The following ANKRD17 variants were observed in gnomAD, a reference collection of about 807,000 sequenced individuals.
ANKRD17 encodes the protein ankyrin repeat domain-containing protein 17.
Under a neutral mutation model 229.7 loss-of-function variants are expected in ANKRD17, and 19 were observed. That is an observed-to-expected ratio of 0.08 (90% CI 0.06 to 0.12). The LOEUF (loss-of-function observed/expected upper bound fraction) is 0.12, where lower values mean the gene tolerates loss of function less well. ANKRD17 is among the 10% of genes least tolerant of loss of function. The probability of loss-of-function intolerance (pLI) is 1.00; values close to 1 mark genes in which losing one functional copy is unlikely to be tolerated. For missense variants in ANKRD17, 2,176 were observed against 3,176.8 expected (o/e 0.68, Z 7.57); for synonymous variants, 1,112 against 1,146.1 (o/e 0.97, Z 0.60).
At chr4:73,174,770 T>C (rs1734510251) in intron 2 of ANKRD17, among the ~76,000 whole-genome samples, 1 of 152,194 alleles carries the variant, frequency 6.6e-6, no homozygotes, top group African/African-American at 2.4e-5. Flanking sequence ...CATGTCTATA[T>C]GCCAAGAACT....
intron 1 of ANKRD17, among the ~76,000 whole-genome samples, chr4:73,179,270 C>A (rs1311278183): frequency 6.6e-6 from 1 of 151,338 alleles, no homozygotes; most frequent in Non-Finnish European, 1.5e-5. Flanking sequence ...ACACAACATT[C>A]TAAAAATATT....
At chr4:73,137,551 A>G (rs1729065556) in intron 15 of ANKRD17, among the ~76,000 whole-genome samples, 1 of 152,170 alleles carries the variant, frequency 6.6e-6, no homozygotes, top group Admixed American at 6.5e-5. Context: ...GATACATCCT[A>G]CCACAGAAAT....
At chr4:73,178,478 A>AT (rs1735022758) in intron 1 of ANKRD17, among the ~76,000 whole-genome samples, 1 of 151,946 alleles carries the variant, frequency 6.6e-6, no homozygotes, top group African/African-American at 2.4e-5. Context: ...ACTAGCATTT[A>AT]ATTTTTTTTT....
intron 30 of ANKRD17, among the ~76,000 whole-genome samples, chr4:73,080,413 G>A (rs1165790069): frequency 6.6e-6 from 1 of 152,050 alleles, no homozygotes; most frequent in Non-Finnish European, 1.5e-5. Context: ...ACAAAACTCA[G>A]GAAAGTGTTA....
intron 28 of ANKRD17, 151 bp from the exon 29 acceptor site, chr4:73,092,451 G>T: frequency 1.5e-6 from 1 of 659,002 alleles, no homozygotes; most frequent in Non-Finnish European, 2.5e-6. Flanking sequence ...AACAAAAGCT[G>T]GGCAGCAATT....
At position 73,155,643 on chromosome 4, in the gene ANKRD17, G is replaced by T; in HGVS notation, c.988C>A (p.Gln330Lys). The T allele has an allele frequency of 6.2e-7, 1 of 1,614,074 alleles. No individual in the cohort carries two copies. Among genetic ancestry groups the T allele is most frequent in the Non-Finnish European group, 8.5e-7 (1 of 1,179,996 alleles). Residue 330 changes from glutamine (Q) to lysine (K), a missense_variant, in exon 5 of 34, where the codon CAG becomes AAG. Gln to Lys is a moderately conservative substitution (Grantham distance 53, BLOSUM62 1). Transcript: ENST00000358602. ...LLAHKADVNAQSSTGNTALTY... is the reference protein window; with the variant it reads ...LLAHKADVNAKSSTGNTALTY... ...AAATAGGCATGACCTGTTGAAGACT[G>T]TGCATTAACATCTGCTTTATGAGCT...
At chr4:73,118,928 A>G in intron 21 of ANKRD17, 78 bp from the exon 22 acceptor site, 1 of 1,421,718 alleles carries the variant, frequency 7.0e-7, no homozygotes, top group Non-Finnish European at 9.3e-7. Flanking sequence ...GCTCTGTCAC[A>G]CAGGCTGGAG....
Position 73,155,569 on chromosome 4 carries a change from C to G in ANKRD17, c.1000+62G>C, listed in dbSNP as rs1272132885. 1.9e-6 allele frequency: 3 copies of G among 1,582,170 alleles called. No homozygotes were observed. The East Asian group carries it at 6.7e-5, about 36-fold the overall frequency. On this transcript the variant is annotated intron_variant, in intron 5 of 33. Transcript: ENST00000358602. ...ATTAGCACTAAACATCACTTTCATG[C>G]AAAATCATTATTACCAAATGATGTT...
chr4:73,162,441 C>T (rs929707052), intron 2 of ANKRD17, among the ~76,000 whole-genome samples: 5 of 151,862 alleles, frequency 3.3e-5, no homozygotes, highest in African/African-American at 7.3e-5. Flanking sequence ...GTGATCCTCC[C>T]ACTTCAGCCT....
chr4:73,229,102 G>C (rs943548937), intron 1 of ANKRD17, among the ~76,000 whole-genome samples: 5 of 152,118 alleles, frequency 3.3e-5, no homozygotes, highest in Admixed American at 3.3e-4. Flanking sequence ...TTGGACACAG[G>C]AAGGGGAACA....
intron 1 of ANKRD17, among the ~76,000 whole-genome samples, chr4:73,180,370 A>G (rs185757272): frequency 1.6e-4 from 25 of 152,288 alleles, no homozygotes; most frequent in African/African-American, 6.0e-4. Context: ...TAGAAGTTAG[A>G]TCACAGAAGA....
At chr4:73,197,459 T>C (rs1443641668) in intron 1 of ANKRD17, among the ~76,000 whole-genome samples, 1 of 152,178 alleles carries the variant, frequency 6.6e-6, no homozygotes, top group Non-Finnish European at 1.5e-5. Flanking sequence ...GAAACAGCAA[T>C]TGTAATACAA....
At chr4:73,115,167 C>T (rs1725792818) in intron 23 of ANKRD17, among the ~76,000 whole-genome samples, 1 of 152,174 alleles carries the variant, frequency 6.6e-6, no homozygotes, top group Non-Finnish European at 1.5e-5. Context: ...TCATTACTTT[C>T]TCAATATAGG....
At chr4:73,215,293 C>T (rs1020133959) in intron 1 of ANKRD17, among the ~76,000 whole-genome samples, 101 of 150,886 alleles carry the variant, frequency 6.7e-4, no homozygotes, top group African/African-American at 2.1e-3. Flanking sequence ...TGGAGTCTTG[C>T]TCTGTCGCCA....
intron 1 of ANKRD17, among the ~76,000 whole-genome samples, chr4:73,205,402 C>T (rs749217702): frequency 1.3e-5 from 2 of 151,990 alleles, no homozygotes; most frequent in Non-Finnish European, 2.9e-5. Flanking sequence ...AAAACACAGA[C>T]CAATGGAACA....
chr4:73,102,077 G>A (rs977299541), intron 25 of ANKRD17, among the ~76,000 whole-genome samples: 3 of 151,898 alleles, frequency 2.0e-5, no homozygotes, highest in Non-Finnish European at 4.4e-5. Flanking sequence ...ATCCCCAGTA[G>A]CTAGCTGGGA....
At position 73,149,087 on chromosome 4, in the gene ANKRD17, C is replaced by A. The variant is rs564168127; in HGVS notation, c.1330-37G>T. ...ACAATTTAAAAAATTAAATCAGCAC[C>A]ATTAAAAAAATCTTGAAAAATTTGA... On this transcript the variant is annotated intron_variant, in intron 7 of 33. Coordinates refer to ENST00000358602, the MANE Select transcript of ANKRD17 (RefSeq NM_032217.5). The A allele has an allele frequency of 6.3e-5, 98 of 1,563,094 alleles. 2 individuals carry two copies. In the South Asian group the frequency reaches 1.1e-3, roughly 17 times the overall value.
intron 16 of ANKRD17, among the ~76,000 whole-genome samples, chr4:73,125,544 C>T (rs1727321168): frequency 6.6e-6 from 1 of 151,874 alleles, no homozygotes; most frequent in Admixed American, 6.6e-5. Flanking sequence ...ACCATCCTGG[C>T]CAACATGGTG....
chr4:73,245,739 G>C (rs1287565776), intron 1 of ANKRD17, among the ~76,000 whole-genome samples: 2 of 152,038 alleles, frequency 1.3e-5, no homozygotes, highest in African/African-American at 2.4e-5. Flanking sequence ...AGATCCTCTC[G>C]AGGTAGCCAG....
Sources: allele counts gnomAD v4.1 joint callset (sites outside exome capture counted in the v4.1 genomes callset), GRCh38; gene constraint gnomAD v4.1.1; transcripts MANE v1.5; gene names NCBI Gene and HGNC (gene_info 2026-07-23, HGNC 2026-07-21).